UBQLN1: variants seen among roughly 807,000 people sequenced by gnomAD.
UBQLN1 encodes the protein ubiquilin 1.
Under a neutral mutation model 65.4 loss-of-function variants are expected in UBQLN1, and 13 were observed. That is an observed-to-expected ratio of 0.20 (90% confidence interval 0.13 to 0.32). The LOEUF is 0.32. UBQLN1 is among the 10% of genes least tolerant of loss of function. UBQLN1 has a pLI of 1.00. For synonymous variants in UBQLN1, 267 were observed against 247.8 expected (o/e 1.08, Z -0.73); for missense variants, 561 against 724.0 (o/e 0.77, Z 2.58).
chr9:83,674,056 C>T (rs1831785761), intron 6 of UBQLN1, among the ~76,000 whole-genome samples: 2 of 152,124 alleles, frequency 1.3e-5, no homozygotes, highest in African/African-American at 2.4e-5. Flanking sequence ...ACCTTGGCCT[C>T]CCAAAGTCCT....
rs1286139115 is a variant in UBQLN1 at position 83,661,673 on chromosome 9, T to A, written c.*114A>T. ...CCACCTTAAAATGCATCATATTGGGTTTGTTTATAACAGCACAGAATTCCA... is the reference window on the plus strand; with the variant it reads ...CCACCTTAAAATGCATCATATTGGGATTGTTTATAACAGCACAGAATTCCA... On this transcript the variant is annotated 3_prime_UTR_variant, in exon 11 of 11. Transcript: ENST00000376395. The A allele has an allele frequency of 1.7e-6, 2 of 1,167,444 alleles. No individual in the cohort carries two copies. Among genetic ancestry groups the A allele is most frequent in the Admixed American group, 2.8e-5 (1 of 36,204 alleles). The allele number at this position is 1,167,444 out of a possible 1,614,324, so 72.3% of individuals were successfully genotyped here.
In UBQLN1 at chr9:83,667,888, A is replaced by G. The variant is rs151106399; in HGVS notation, c.1248+1297T>C. The G allele has an allele frequency of 3.2e-3, 3,104 of 976,264 alleles. 9 individuals carry two copies. Among genetic ancestry groups the G allele is most frequent in the Non-Finnish European group, 3.2e-3 (2,607 of 821,834 alleles). The allele number at this position is 976,264 out of a possible 1,614,324, so 60.5% of individuals were successfully genotyped here. Reference sequence around the variant, plus strand: ...TTCTAAATTATCTGTAATAAAAGACATGCCAATCTAGTACTAGCAACATTT... The same window carrying G: ...TTCTAAATTATCTGTAATAAAAGACGTGCCAATCTAGTACTAGCAACATTT... On this transcript the variant is annotated intron_variant, in intron 7 of 10. Transcript: ENST00000376395.
chr9:83,693,945 T>C (rs1241337611), intron 1 of UBQLN1, among the ~76,000 whole-genome samples: 1 of 152,206 alleles, frequency 6.6e-6, no homozygotes, highest in Non-Finnish European at 1.5e-5. Flanking sequence ...CATACGGAAA[T>C]TTCCTGGGCA....
At chr9:83,674,173 T>C (rs4877793) in intron 6 of UBQLN1, among the ~76,000 whole-genome samples, 40,191 of 149,702 alleles carry the variant, frequency 0.27, 6,556 homozygotes, top group East Asian at 0.8. Flanking sequence ...CAGCACAAAA[T>C]CACTGCAGCA....
At chr9:83,662,270 AT>A in intron 10 of UBQLN1, among the ~76,000 whole-genome samples, 1 of 49,992 alleles carries the variant, frequency 2.0e-5, no homozygotes, top group African/African-American at 1.5e-4. Context: ...ATACATATAC[AT>A]ATACACACAC....
Position 83,707,938 on chromosome 9 carries a change from A to C in UBQLN1, c.-259T>G, listed in dbSNP as rs1832449910. On this transcript the variant is annotated 5_prime_UTR_variant, in exon 1 of 11. Transcript: ENST00000376395. Reference sequence around the variant, plus strand: ...GCTCGCTCACACCGACATCCGCAGCAGCCACCGCTTCCTCCTCCCTGCCCC... The same window carrying C: ...GCTCGCTCACACCGACATCCGCAGCCGCCACCGCTTCCTCCTCCCTGCCCC... The C allele has an allele frequency of 3.9e-6, 2 of 506,580 alleles. No homozygotes were observed. Among genetic ancestry groups the C allele is most frequent in the South Asian group, 3.2e-5 (1 of 31,036 alleles). 31.4% of individuals were successfully genotyped at this position (506,580 alleles called of 1,614,324 possible). A position where few individuals can be genotyped will look rare whatever the true frequency, so the allele number is the denominator to read the frequency against.
Position 83,660,885 on chromosome 9 carries a change from G to T in UBQLN1, c.*902C>A, listed in dbSNP as rs1169791030. The stretch of plus-strand genomic sequence containing the variant: ...ACATCAAGACACTTTTTCAGTGAAA[G>T]CAACATTTCAATTACAAATTTTAAT... On this transcript the variant is annotated 3_prime_UTR_variant, in exon 11 of 11. Transcript: ENST00000376395. The T allele has an allele frequency of 6.6e-6, 1 of 152,518 alleles. No homozygotes were observed. Among genetic ancestry groups the T allele is most frequent in the Non-Finnish European group, 1.5e-5 (1 of 68,014 alleles). 9.4% of individuals were successfully genotyped at this position (152,518 alleles called of 1,614,324 possible).
chr9:83,677,808 C>T lies in UBQLN1; in HGVS notation c.1024G>A (p.Val342Met). ...GCAGTACTACCAGTAGTGCCACCCACAGTGCTGGCAGTGCCGCTGGAAGCT... is the reference window on the plus strand; with the variant it reads ...GCAGTACTACCAGTAGTGCCACCCATAGTGCTGGCAGTGCCGCTGGAAGCT... ...SSASSGTAST[V>M]GGTTGSTASG... is the part of the protein sequence containing the mutation. Residue 342 changes from valine (V) to methionine (M), a missense_variant, in exon 6 of 11, where the codon GTG (valine) becomes ATG (methionine). Around this residue, in one of 8 missense-constraint regions of UBQLN1, gnomAD observed 89 missense variants for 77.8 expected, o/e 1.14. Coordinates refer to ENST00000376395, the MANE Select transcript of UBQLN1 (RefSeq NM_013438.5). 1 of 1,614,138 alleles carries T rather than the reference C, an allele frequency of 6.2e-7. No homozygotes were observed. Among genetic ancestry groups the T allele is most frequent in the Non-Finnish European group, 8.5e-7 (1 of 1,180,038 alleles).
In UBQLN1 at chr9:83,678,489, G is replaced by T; in HGVS notation, c.822C>A (p.Arg274=). Residue 274 remains arginine, a synonymous_variant, in exon 5 of 11, where the codon CGC becomes CGA. Coordinates refer to ENST00000376395, the MANE Select transcript of UBQLN1 (RefSeq NM_013438.5). ...SIPGGYNALR[R]MYTDIQEPML... is the part of the protein sequence containing the mutation. ...TTGGTTCCTGAATATCTGTGTACAT[G>T]CGCCTTAAAGCATTATATCCCCCTG... The T allele has an allele frequency of 6.2e-7, 1 of 1,613,950 alleles. No homozygotes were observed. Among genetic ancestry groups the T allele is most frequent in the Non-Finnish European group, 8.5e-7 (1 of 1,179,946 alleles).
chr9:83,693,164 C>G (rs551715911), intron 1 of UBQLN1, among the ~76,000 whole-genome samples: 36 of 152,290 alleles, frequency 2.4e-4, no homozygotes, highest in African/African-American at 8.2e-4. Context: ...AATCAAAATT[C>G]TAATGCACCT....
At chr9:83,701,723 TA>T (rs1832312798) in intron 1 of UBQLN1, among the ~76,000 whole-genome samples, 1 of 152,016 alleles carries the variant, frequency 6.6e-6, no homozygotes, top group African/African-American at 2.4e-5. Flanking sequence ...AGTGGAAATG[TA>T]AAATGGTACA....
chr9:83,691,820 G>C (rs573824420), intron 1 of UBQLN1, among the ~76,000 whole-genome samples: 58 of 152,296 alleles, frequency 3.8e-4, no homozygotes, highest in Admixed American at 4.6e-4. Context: ...TCTTAGTCTT[G>C]AAGTATGAAT....
intron 1 of UBQLN1, among the ~76,000 whole-genome samples, chr9:83,697,551 CAAA>C (rs750268209): frequency 1.2e-4 from 4 of 34,476 alleles, no homozygotes; most frequent in African/African-American, 3.3e-4. Flanking sequence ...GACACTGTCT[CAAA>C]AAAAAAAAAA....
At chr9:83,663,159 G>A (rs112831334) in intron 10 of UBQLN1, among the ~76,000 whole-genome samples, 7 of 150,298 alleles carry the variant, frequency 4.7e-5, no homozygotes, top group African/African-American at 1.7e-4. Context: ...GAAAGGGGAA[G>A]AGGAAGGAGG....
At chr9:83,680,180 A>G (rs755314233) in intron 3 of UBQLN1, 143 bp from the exon 4 acceptor site, 10 of 912,276 alleles carry the variant, frequency 1.1e-5, no homozygotes, top group Non-Finnish European at 1.6e-5. Flanking sequence ...TCGAATACCT[A>G]TTACTAATAT....
Position 83,665,066 on chromosome 9 carries a change from T to C in UBQLN1, c.1412A>G (p.Gln471Arg), listed in dbSNP as rs1831623087. The change falls in exon 9 of 11, where the codon CAG becomes CGG. Residue 471 changes from glutamine (Q) to arginine (R), a missense_variant. Physicochemically the swap from Gln to Arg is conservative, Grantham distance 43. This residue lies in a region of UBQLN1 where 102 missense variants were observed against 150.7 expected (regional missense o/e 0.68). Coordinates refer to ENST00000376395, the MANE Select transcript of UBQLN1 (RefSeq NM_013438.5). ...GCCCGGGGCTTCCGTTGCTAATGTC[T>C]GTAAACCCTGCTGAATCTGTAACAA... ...QALLQIQQGL[Q>R]TLATEAPGLI... 1 of 1,613,892 alleles carries C rather than the reference T, an allele frequency of 6.2e-7. No individual in the cohort carries two copies.
chr9:83,681,472 T>G (rs1007615768), intron 3 of UBQLN1, among the ~76,000 whole-genome samples: 7 of 152,162 alleles, frequency 4.6e-5, no homozygotes, highest in African/African-American at 1.4e-4. Flanking sequence ...TCACAGGATA[T>G]TATGGTAATA....
At chr9:83,662,293 CACACACACA>C (rs1285652804) in intron 10 of UBQLN1, among the ~76,000 whole-genome samples, 1 of 151,650 alleles carries the variant, frequency 6.6e-6, no homozygotes, top group Non-Finnish European at 1.5e-5. Flanking sequence ...CACACACACA[CACACACACA>C]CACACACACA....
At chr9:83,669,616 A>G (rs893199566) in intron 6 of UBQLN1, among the ~76,000 whole-genome samples, 1 of 152,216 alleles carries the variant, frequency 6.6e-6, no homozygotes, top group Non-Finnish European at 1.5e-5. Context: ...AAAATTACGT[A>G]TGGTCAAAAT....
Sources: gnomAD v4.1 joint callset for allele counts (sites outside exome capture counted in the v4.1 genomes callset) on GRCh38, gnomAD v4.1.1 for gene constraint, gnomAD v4.1.1 regional missense constraint, MANE v1.5 for transcripts, NCBI Gene and HGNC (gene_info 2026-07-23, HGNC 2026-07-21) for gene names.